IMPG1: variants seen among roughly 807,000 people sequenced by gnomAD.
IMPG1 encodes the protein interphotoreceptor matrix proteoglycan 1.
Under a neutral mutation model 92.0 loss-of-function variants are expected in IMPG1, and 85 were observed. That is an observed-to-expected ratio of 0.92 (90% CI 0.78 to 1.11). The LOEUF (loss-of-function observed/expected upper bound fraction) is 1.11. IMPG1 is among the 50% of genes least tolerant of loss of function. IMPG1 has a pLI of 0.00. For synonymous variants in IMPG1, 367 were observed against 334.1 expected (o/e 1.10, Z -1.08); for missense variants, 1,022 against 956.0 (o/e 1.07, Z -0.91).
chr6:76,053,473 C>G (rs1414363231), intron 1 of IMPG1, among the ~76,000 whole-genome samples: 1 of 152,088 alleles, frequency 6.6e-6, no homozygotes, highest in African/African-American at 2.4e-5. Flanking sequence ...CCAAAAAATT[C>G]AGGAGGAAGC....
intron 1 of IMPG1, among the ~76,000 whole-genome samples, chr6:76,071,139 A>G (rs1784397625): frequency 6.7e-6 from 1 of 148,462 alleles, no homozygotes; most frequent in South Asian, 2.1e-4. Flanking sequence ...GTAATACATT[A>G]GAATTATAAT....
intron 1 of IMPG1, among the ~76,000 whole-genome samples, chr6:76,065,474 A>C (rs1369086181): frequency 6.6e-6 from 1 of 152,172 alleles, no homozygotes; most frequent in Non-Finnish European, 1.5e-5. Flanking sequence ...AGACTAGACC[A>C]AGTGAAAGAA....
intron 12 of IMPG1, among the ~76,000 whole-genome samples, chr6:75,953,171 A>G (rs182528080): frequency 1.3e-5 from 2 of 152,274 alleles, no homozygotes; most frequent in Non-Finnish European, 2.9e-5. Flanking sequence ...CATTACTCAC[A>G]CCTTTCTTAC....
chr6:76,018,362 T>C (rs1471304986), intron 7 of IMPG1, among the ~76,000 whole-genome samples: 1 of 152,216 alleles, frequency 6.6e-6, no homozygotes, highest in Non-Finnish European at 1.5e-5. Flanking sequence ...GTAAATGGTA[T>C]AGAAGTTGTG....
At chr6:75,985,851 G>T (rs562900051) in intron 12 of IMPG1, among the ~76,000 whole-genome samples, 1 of 152,130 alleles carries the variant, frequency 6.6e-6, no homozygotes, top group South Asian at 2.1e-4. Context: ...GAACCAAAAA[G>T]AAAAAGTTAA....
chr6:76,004,433 T>C (rs925172346), intron 10 of IMPG1, among the ~76,000 whole-genome samples: 1 of 152,218 alleles, frequency 6.6e-6, no homozygotes, highest in Non-Finnish European at 1.5e-5. Flanking sequence ...AAGTTGACCT[T>C]TTCTTGCCTA....
chr6:76,049,565 C>T (rs1425028230), intron 1 of IMPG1, among the ~76,000 whole-genome samples: 1 of 152,082 alleles, frequency 6.6e-6, no homozygotes, highest in Non-Finnish European at 1.5e-5. Context: ...TGACACTTCA[C>T]CAGAAGGTGT....
intron 5 of IMPG1, 108 bp from the exon 6 acceptor site, chr6:76,022,327 T>C: frequency 3.7e-6 from 2 of 534,172 alleles, no homozygotes; most frequent in East Asian, 8.1e-5. Flanking sequence ...AATTTACAGA[T>C]ATTAGGTGCC....
chr6:75,970,802 G>T (rs780102524), intron 12 of IMPG1, among the ~76,000 whole-genome samples: 28 of 152,184 alleles, frequency 1.8e-4, no homozygotes, highest in Non-Finnish European at 3.5e-4. Context: ...TATTGAAAAG[G>T]TTGTGTTTTT....
chr6:76,011,115 A>G lies in IMPG1; in HGVS notation c.866+51T>C, dbSNP rs775631914. On this transcript the variant is annotated intron_variant, in intron 8 of 16. Transcript: ENST00000369950. ...CTTATGGCATTGTTTTTACAAAAGG[A>G]TAGGAAGAAAGTAATTTAAAAATTG... 4.0e-6 allele frequency: 4 copies of G among 991,600 alleles called. No homozygotes were observed. In the East Asian group the frequency reaches 9.6e-5, roughly 24 times the overall value. The allele number at this position is 991,600 out of a possible 1,614,324, so 61.4% of individuals were successfully genotyped here.
At chr6:75,963,032 C>T (rs12197481) in intron 12 of IMPG1, among the ~76,000 whole-genome samples, 29,014 of 150,924 alleles carry the variant, frequency 0.19, 2,899 homozygotes, top group Admixed American at 0.24. Flanking sequence ...CAGAGTGACT[C>T]TCTGTCTCCA....
intron 5 of IMPG1, 44 bp from the exon 6 acceptor site, chr6:76,022,263 G>A (rs112033896): frequency 4.4e-6 from 5 of 1,128,832 alleles, no homozygotes; most frequent in Middle Eastern, 4.2e-4. Flanking sequence ...TGAGAATGGA[G>A]GAGTTTAAAT....
chr6:75,993,708 A>G (rs1023240452), intron 12 of IMPG1, among the ~76,000 whole-genome samples: 3 of 152,158 alleles, frequency 2.0e-5, no homozygotes, highest in Admixed American at 6.6e-5. Context: ...AACGTTCTCA[A>G]TTTTCCACAC....
At chr6:76,052,502 A>T (rs1784060563) in intron 1 of IMPG1, among the ~76,000 whole-genome samples, 1 of 152,198 alleles carries the variant, frequency 6.6e-6, no homozygotes, top group African/African-American at 2.4e-5. Flanking sequence ...TGTTCCTGCA[A>T]GTTGAGAACT....
Position 75,922,024 on chromosome 6 carries a change from T to C in IMPG1, c.*65A>G. The C allele has an allele frequency of 1.3e-6, 1 of 764,820 alleles. No homozygotes were observed. The highest frequency in any genetic ancestry group is 2.7e-5 in the East Asian group (1 of 36,644). 47.4% of individuals were successfully genotyped at this position (764,820 alleles called of 1,614,324 possible). ...GACCCATGAATATGCCTGTCTCCAT[T>C]TTCCTTGAGAAGGCAAATCATCTCT... On this transcript the variant is annotated 3_prime_UTR_variant, in exon 17 of 17. Transcript: ENST00000369950.
chr6:75,970,380 C>A (rs114233275), intron 12 of IMPG1, among the ~76,000 whole-genome samples: 1,979 of 151,920 alleles, frequency 0.013, 40 homozygotes, highest in African/African-American at 0.046. Flanking sequence ...GCACTAAAGG[C>A]CATTTTTCCA....
intron 15 of IMPG1, among the ~76,000 whole-genome samples, chr6:75,925,585 G>T (rs1781536230): frequency 6.6e-6 from 1 of 152,128 alleles, no homozygotes; most frequent in South Asian, 2.1e-4. Flanking sequence ...CCAGCACTTT[G>T]GTAGGCTGAG....
Position 76,072,591 on chromosome 6 carries a change from G to A in IMPG1, c.-103C>T. ...GAAAAATAATTATATATTGATACCA[G>A]ATGATTGAGGATAACCTTCTTGGTT... On this transcript the variant is annotated 5_prime_UTR_variant, in exon 1 of 17. Transcript: ENST00000369950. 1.5e-6 allele frequency: 1 copy of A among 647,212 alleles called. No individual in the cohort carries two copies. The highest frequency in any genetic ancestry group is 2.6e-6 in the Non-Finnish European group (1 of 378,434). 40.1% of individuals were successfully genotyped at this position (647,212 alleles called of 1,614,324 possible).
chr6:75,951,877 G>A (rs1373606883), intron 12 of IMPG1, among the ~76,000 whole-genome samples: 1 of 152,122 alleles, frequency 6.6e-6, no homozygotes, highest in African/African-American at 2.4e-5. Context: ...GGGAGGCAGA[G>A]ATAGCAGTGA....
Sources: gnomAD v4.1 joint callset for allele counts (sites outside exome capture counted in the v4.1 genomes callset) on GRCh38, gnomAD v4.1.1 for gene constraint, MANE v1.5 for transcripts, NCBI Gene and HGNC (gene_info 2026-07-23, HGNC 2026-07-21) for gene names.